SFMBT2: variants seen among roughly 807,000 people sequenced by gnomAD.
SFMBT2 encodes Scm like with four mbt domains 2, also known as scm-like with four MBT domains protein 2.
In SFMBT2, 38 loss-of-function variants were observed where a neutral mutation model predicts 110.1. That is an observed-to-expected ratio of 0.35 (90% CI 0.27 to 0.45). The LOEUF is 0.45. SFMBT2 is among the 20% of genes least tolerant of loss of function. The pLI is 1.00. For synonymous variants in SFMBT2, 425 were observed against 425.4 expected (o/e 1.00, Z 0.01); for missense variants, 1,011 against 1,094.9 (o/e 0.92, Z 1.08).
chr10:7,411,468 G>A (rs1846378640), upstream of SFMBT2: 1 of 152,204 alleles, frequency 6.6e-6, no homozygotes, highest in Non-Finnish European at 1.5e-5. Flanking sequence ...AGTCGACCGT[G>A]TGCACAAACT....
intron 20 of SFMBT2, 149 bp from the exon 21 acceptor site, chr10:7,164,059 C>A (rs1588753820): frequency 7.3e-7 from 1 of 1,377,088 alleles, no homozygotes; most frequent in Non-Finnish European, 9.4e-7. Context: ...AGATACCAGC[C>A]CGGCTTGATG....
rs74683733 is a variant in SFMBT2 at position 7,172,672 on chromosome 10, G to C, written c.1985-11C>G. 1.4e-3 allele frequency: 2,277 copies of C among 1,607,562 alleles called. 41 individuals are homozygous for C. The African/African-American group carries it at 0.028, about 19-fold the overall frequency. ...TTCCATAGTAATAGGCTGTAGGAAGGAAGATGAGAAACTTTTGAAGGCTAT... is the reference window on the plus strand; with the variant it reads ...TTCCATAGTAATAGGCTGTAGGAAGCAAGATGAGAAACTTTTGAAGGCTAT... On this transcript the variant is annotated splice_polypyrimidine_tract_variant and intron_variant, in intron 17 of 20. Coordinates refer to ENST00000397167, the MANE Select transcript of SFMBT2 (RefSeq NM_001387889.1). The surrounding 1 kb of genome is among the most constrained non-coding windows in gnomAD (Gnocchi z 4.6).
chr10:7,175,890 G>T (rs1014344209), intron 17 of SFMBT2, 100 bp downstream of exon 17: 1 of 1,122,574 alleles, frequency 8.9e-7, no homozygotes, highest in Non-Finnish European at 1.3e-6. Flanking sequence ...TAGTCAAAAG[G>T]TTCAAAAAGA....
intron 2 of SFMBT2, among the ~76,000 whole-genome samples, chr10:7,379,832 T>C (rs994253493): frequency 2.6e-5 from 4 of 152,218 alleles, no homozygotes; most frequent in Admixed American, 6.5e-5. Flanking sequence ...GATATAATGA[T>C]TCTCGCTCTC....
intron 7 of SFMBT2, among the ~76,000 whole-genome samples, chr10:7,275,836 C>T (rs567128682): frequency 6.6e-6 from 1 of 152,240 alleles, no homozygotes; most frequent in East Asian, 1.9e-4. Flanking sequence ...TCCAGGAAGC[C>T]CACGTCCCCT....
At chr10:7,319,572 T>C (rs1843110376) in intron 4 of SFMBT2, among the ~76,000 whole-genome samples, 1 of 152,258 alleles carries the variant, frequency 6.6e-6, no homozygotes, top group Non-Finnish European at 1.5e-5. Context: ...AGTTTCATTT[T>C]GTTTATTGCT....
chr10:7,203,641 A>G (rs1839029374), intron 12 of SFMBT2: 1 of 973,400 alleles, frequency 1.0e-6, no homozygotes, highest in Admixed American at 6.2e-5. Context: ...GGGGATTGGA[A>G]CCCCAACCCC....
intron 7 of SFMBT2, among the ~76,000 whole-genome samples, chr10:7,265,124 TA>T (rs1841336598): frequency 6.6e-6 from 1 of 151,652 alleles, no homozygotes; most frequent in Non-Finnish European, 1.5e-5. Flanking sequence ...ATTTCTTTTT[TA>T]ATGCTGAGAT....
intron 11 of SFMBT2, among the ~76,000 whole-genome samples, chr10:7,208,945 G>T (rs1340216542): frequency 6.6e-6 from 1 of 152,064 alleles, no homozygotes; most frequent in Non-Finnish European, 1.5e-5. Flanking sequence ...CCTCAAAAAG[G>T]TTACAATTAT....
rs1252737930 is a variant in SFMBT2, at chr10:7,358,208, C to G, written c.436+9441G>C. ...CATGGCCCTAGAACATCTGCATGGC[C>G]CTGGAATGGAGGCACTGCCCTAGAA... is the stretch of plus-strand genomic sequence containing the variant. On this transcript the variant is annotated intron_variant, in intron 4 of 20. Coordinates refer to ENST00000397167, the MANE Select transcript of SFMBT2 (RefSeq NM_001387889.1). Among the ~76,000 whole-genome samples the G allele has an allele frequency of 1.5e-5, 2 of 136,994 alleles. 1 individual carries two copies. Among genetic ancestry groups the G allele is most frequent in the African/African-American group, 5.0e-5 (2 of 40,206 alleles). The allele number at this position is 136,994 out of a possible 152,430, so 89.9% of individuals were successfully genotyped here.
chr10:7,244,427 T>C (rs1007907332), intron 8 of SFMBT2, among the ~76,000 whole-genome samples: 1 of 152,230 alleles, frequency 6.6e-6, no homozygotes, highest in African/African-American at 2.4e-5. Context: ...TCCAATGCCA[T>C]AGAGCATAAG....
At chr10:7,372,347 T>G (rs1280878610) in intron 2 of SFMBT2, among the ~76,000 whole-genome samples, 1 of 152,232 alleles carries the variant, frequency 6.6e-6, no homozygotes, top group Non-Finnish European at 1.5e-5. Flanking sequence ...TATTTTAAAT[T>G]TTGCCTTCTA....
At chr10:7,307,634 G>T (rs1842733901) in intron 4 of SFMBT2, among the ~76,000 whole-genome samples, 1 of 152,168 alleles carries the variant, frequency 6.6e-6, no homozygotes, top group South Asian at 2.1e-4. Context: ...GGAGAAAAAA[G>T]AAATTAGTCT....
chr10:7,394,455 C>T (rs1268021729), intron 1 of SFMBT2, among the ~76,000 whole-genome samples: 4 of 151,702 alleles, frequency 2.6e-5, no homozygotes, highest in Admixed American at 6.6e-5. Context: ...ACGCCACTTC[C>T]TAGTTCTTCC....
chr10:7,334,148 G>A (rs1490940722), intron 4 of SFMBT2, among the ~76,000 whole-genome samples: 1 of 152,132 alleles, frequency 6.6e-6, no homozygotes, highest in Non-Finnish European at 1.5e-5. Context: ...GCAACATGAT[G>A]GTCTATCAAG....
At chr10:7,177,583 G>GT (rs1178168661) in intron 16 of SFMBT2, among the ~76,000 whole-genome samples, 13 of 152,190 alleles carry the variant, frequency 8.5e-5, no homozygotes, top group Admixed American at 6.5e-4. Context: ...AAGATGAAAA[G>GT]TTTGAGTGTG....
intron 9 of SFMBT2, among the ~76,000 whole-genome samples, chr10:7,231,762 CCCT>C (rs1840115313): frequency 6.6e-6 from 1 of 152,204 alleles, no homozygotes; most frequent in Non-Finnish European, 1.5e-5. Flanking sequence ...CTCCTCTGTC[CCCT>C]CCTCCTCCTC....
At chr10:7,300,117 G>A (rs1842515921) in intron 4 of SFMBT2, among the ~76,000 whole-genome samples, 2 of 152,094 alleles carry the variant, frequency 1.3e-5, no homozygotes, top group African/African-American at 4.8e-5. Flanking sequence ...GTTGAAGATT[G>A]AGAACACATG....
rs1055349528 is a variant in SFMBT2 at position 7,319,194 on chromosome 10, A to G, written c.437-33240T>C. ...AAAAACGTAAGTCCGCTGGCAAGGA[A>G]GTCACTAAACCAAAATCATCAAGTT... On this transcript the variant is annotated intron_variant, in intron 4 of 20. Coordinates refer to ENST00000397167, the MANE Select transcript of SFMBT2 (RefSeq NM_001387889.1). Among the ~76,000 whole-genome samples, 6 of 152,342 alleles carry G rather than the reference A, an allele frequency of 3.9e-5. No homozygotes were observed. In the Middle Eastern group the frequency reaches 0.01, roughly 259 times the overall value.
Sources: gnomAD v4.1 joint callset for allele counts (sites outside exome capture counted in the v4.1 genomes callset) on GRCh38, gnomAD v4.1.1 for gene constraint, Gnocchi (gnomAD v3.1) non-coding constraint, MANE v1.5 for transcripts, NCBI Gene and HGNC (gene_info 2026-07-23, HGNC 2026-07-21) for gene names.